The following LRP1B variants were observed in gnomAD, a reference collection of about 807,000 sequenced individuals.
The protein encoded by LRP1B is low-density lipoprotein receptor-related protein 1B.
In LRP1B, 217 loss-of-function variants were observed where a neutral mutation model predicts 556.6. The observed-to-expected ratio is 0.39, with a 90% CI of 0.35 to 0.44. The LOEUF (loss-of-function observed/expected upper bound fraction) is 0.44, where lower values mean the gene tolerates loss of function less well. LRP1B is among the 20% of genes least tolerant of loss of function. The pLI is 1.00. For synonymous variants in LRP1B, 2,047 were observed against 1,865.8 expected (o/e 1.10, Z -2.50); for missense variants, 5,053 against 5,620.8 (o/e 0.90, Z 3.23).
chr2:141,905,766 T>TGTGTGG (rs1699738555), intron 1 of LRP1B, among the ~76,000 whole-genome samples: 1 of 8,398 alleles, frequency 1.2e-4, no homozygotes, highest in South Asian at 7.6e-3. Context: ...TTTGAATAGA[T>TGTGTGG]GTGTGTGTGT....
At chr2:140,912,858 A>G (rs1359659497) in intron 21 of LRP1B, among the ~76,000 whole-genome samples, 1 of 151,836 alleles carries the variant, frequency 6.6e-6, no homozygotes, top group Non-Finnish European at 1.5e-5. Flanking sequence ...AAATAAATTG[A>G]TACAATCTCT....
chr2:141,802,492 T>C (rs1574376951), intron 2 of LRP1B, among the ~76,000 whole-genome samples: 2 of 152,074 alleles, frequency 1.3e-5, no homozygotes, highest in African/African-American at 4.8e-5. Flanking sequence ...AAGTCAGTTA[T>C]ATTGCCTGAA....
intron 43 of LRP1B, among the ~76,000 whole-genome samples, chr2:140,582,066 G>T (rs1418192389): frequency 6.6e-6 from 1 of 152,136 alleles, no homozygotes; most frequent in East Asian, 1.9e-4. Flanking sequence ...TCAGGTGAGA[G>T]AACATGGTCG....
At chr2:141,549,855 C>T (rs950334136) in intron 2 of LRP1B, among the ~76,000 whole-genome samples, 4 of 152,002 alleles carry the variant, frequency 2.6e-5, no homozygotes, top group African/African-American at 7.2e-5. Flanking sequence ...ATTAGATGGG[C>T]GTGGTGGTGC....
intron 2 of LRP1B, among the ~76,000 whole-genome samples, chr2:141,603,793 A>T (rs1041983456): frequency 6.6e-6 from 1 of 152,180 alleles, no homozygotes; most frequent in African/African-American, 2.4e-5. Flanking sequence ...TCTTCTCTCA[A>T]AACTCATCTA....
intron 1 of LRP1B, among the ~76,000 whole-genome samples, chr2:141,867,153 AT>A (rs1349906989): frequency 1.3e-5 from 2 of 152,194 alleles, no homozygotes; most frequent in African/African-American, 4.8e-5. Context: ...ATAAAATCGA[AT>A]AAAAAACATC....
intron 2 of LRP1B, among the ~76,000 whole-genome samples, chr2:141,766,167 A>G (rs560531243): frequency 6.6e-6 from 1 of 152,336 alleles, no homozygotes; most frequent in African/African-American, 2.4e-5. Flanking sequence ...ATAAGAAAAT[A>G]TTAGAGAAGT....
At chr2:141,013,059 C>T (rs151287694) in intron 14 of LRP1B, among the ~76,000 whole-genome samples, 10 of 151,810 alleles carry the variant, frequency 6.6e-5, no homozygotes, top group South Asian at 2.1e-4. Flanking sequence ...TTGTTATAGA[C>T]GGTTTTACTT....
At chr2:140,454,135 T>A (rs1377458948) in intron 62 of LRP1B, among the ~76,000 whole-genome samples, 1 of 152,052 alleles carries the variant, frequency 6.6e-6, no homozygotes, top group Admixed American at 6.6e-5. Flanking sequence ...ATGAACTTTT[T>A]TTCTTTCTTT....
At chr2:140,328,788 A>C (rs1047377857) in intron 79 of LRP1B, among the ~76,000 whole-genome samples, 2 of 145,878 alleles carry the variant, frequency 1.4e-5, no homozygotes, top group Non-Finnish European at 1.5e-5. Context: ...GTTTTCATAC[A>C]CACACACAAA....
At chr2:140,594,969 ATC>A (rs1682372371) in intron 43 of LRP1B, among the ~76,000 whole-genome samples, 1 of 151,316 alleles carries the variant, frequency 6.6e-6, no homozygotes, top group Non-Finnish European at 1.5e-5. Context: ...TTCTTTCTAA[ATC>A]TATAGTTTTT....
intron 62 of LRP1B, among the ~76,000 whole-genome samples, chr2:140,454,160 A>G (rs2105318663): frequency 6.6e-6 from 1 of 151,296 alleles, no homozygotes; most frequent in Non-Finnish European, 1.5e-5. Flanking sequence ...ATTTGTTTTT[A>G]TTTTTTGAGA....
Position 141,159,018 on chromosome 2 carries a change from T to A in LRP1B, c.1013+29403A>T, listed in dbSNP as rs566388950. On this transcript the variant is annotated intron_variant, in intron 7 of 90. Transcript: ENST00000389484. ...ATACAACTATTCTACATATTGGTATTCTTCACAGTGCTTTATAATAAAATC... is the reference window on the plus strand; with the variant it reads ...ATACAACTATTCTACATATTGGTATACTTCACAGTGCTTTATAATAAAATC... Among the ~76,000 whole-genome samples the A allele has an allele frequency of 1.2e-3, 190 of 152,308 alleles. 1 individual carries two copies. Among genetic ancestry groups the A allele is most frequent in the Non-Finnish European group, 2.1e-3 (146 of 68,028 alleles).
Position 140,702,202 on chromosome 2 carries a change from C to T in LRP1B, c.6241G>A (p.Gly2081Arg), listed in dbSNP as rs1276107433. Residue 2081 changes from glycine to arginine, a missense_variant, in exon 39 of 91, where the codon GGA (glycine) becomes AGA (arginine). Physicochemically the swap from Gly to Arg is moderately radical, Grantham distance 125. Transcript: ENST00000389484. ...TGGNREMVLS[G>R]SNVDMFSVAV... ...ACTGAAAACATATCCACATTGCTTC[C>T]TGACAGCACCATCTCGCGATTCCCT... 6.2e-7 allele frequency: 1 copy of T among 1,613,760 alleles called. No homozygotes were observed. Among genetic ancestry groups the T allele is most frequent in the South Asian group, 1.1e-5 (1 of 91,082 alleles).
At chr2:141,735,117 G>T (rs1427088154) in intron 2 of LRP1B, among the ~76,000 whole-genome samples, 1 of 148,844 alleles carries the variant, frequency 6.7e-6, no homozygotes, top group African/African-American at 2.5e-5. Context: ...TCTCCCCTAT[G>T]CTTGGAGGGT....
chr2:140,640,397 T>TC, intron 41 of LRP1B, among the ~76,000 whole-genome samples: 1 of 75,322 alleles, frequency 1.3e-5, no homozygotes, highest in Non-Finnish European at 2.8e-5. Context: ...TTTTTTTTTT[T>TC]TTTTTTTTTT....
At chr2:142,099,675 T>C (rs2104966262) in intron 1 of LRP1B, among the ~76,000 whole-genome samples, 1 of 152,066 alleles carries the variant, frequency 6.6e-6, no homozygotes, top group Middle Eastern at 3.4e-3. Context: ...CAAATTCTTC[T>C]CTTGGCCTTC....
chr2:141,173,781 T>A (rs1465465564), intron 7 of LRP1B, among the ~76,000 whole-genome samples: 1 of 152,074 alleles, frequency 6.6e-6, no homozygotes, highest in East Asian at 1.9e-4. Context: ...ATGATGTCAC[T>A]GAAGCACCAA....
At chr2:140,965,273 T>G (rs571588639) in intron 18 of LRP1B, among the ~76,000 whole-genome samples, 22 of 152,294 alleles carry the variant, frequency 1.4e-4, no homozygotes, top group African/African-American at 5.1e-4. Context: ...AAGTATTTCT[T>G]GTGGTTCTGC....
Sources: allele counts gnomAD v4.1 joint callset (sites outside exome capture counted in the v4.1 genomes callset), GRCh38; gene constraint gnomAD v4.1.1; transcripts MANE v1.5; gene names NCBI Gene and HGNC (gene_info 2026-07-23, HGNC 2026-07-21).